Variants in GNG2 observed in about 807,000 individuals in gnomAD.
The protein encoded by GNG2 is guanine nucleotide-binding protein G(I)/G(S)/G(O) subunit gamma-2.
A neutral mutation model predicts 5.5 loss-of-function variants in GNG2; 5 were observed. That is an observed-to-expected ratio of 0.91 (90% CI 0.48 to 1.92). GNG2 has a LOEUF of 1.92. Among genes scored for constraint, GNG2 ranks in the 30% most tolerant of loss-of-function variants. The probability of loss-of-function intolerance (pLI) is 0.01; values close to 1 mark genes in which losing one functional copy is unlikely to be tolerated. For synonymous variants in GNG2, 28 were observed against 32.0 expected (o/e 0.88, Z 0.42); for missense variants, 55 against 88.4 (o/e 0.62, Z 1.52).
chr14:51,886,215 G>C (rs1884451349), intron 2 of GNG2, among the ~76,000 whole-genome samples: 1 of 152,184 alleles, frequency 6.6e-6, no homozygotes, highest in South Asian at 2.1e-4. Context: ...AAAATGTTTT[G>C]CTTTCCTCAC....
intron 1 of GNG2, among the ~76,000 whole-genome samples, chr14:51,873,474 C>G (rs915193925): frequency 6.6e-6 from 1 of 152,198 alleles, no homozygotes; most frequent in African/African-American, 2.4e-5. Context: ...AGGGGTTTCT[C>G]AAGAATGCAC....
At chr14:51,871,550 A>G (rs1883298342) in intron 1 of GNG2, among the ~76,000 whole-genome samples, 1 of 152,214 alleles carries the variant, frequency 6.6e-6, no homozygotes, top group Admixed American at 6.5e-5. Flanking sequence ...ACTTCACAAA[A>G]CTGACAGGAG....
chr14:51,883,014 A>G (rs1039352482), intron 2 of GNG2, among the ~76,000 whole-genome samples: 6 of 151,266 alleles, frequency 4.0e-5, no homozygotes, highest in Non-Finnish European at 8.9e-5. Context: ...CATCTCAAAA[A>G]AAAAAAAAGA....
intron 2 of GNG2, among the ~76,000 whole-genome samples, chr14:51,896,281 A>C (rs147238370): frequency 5.5e-4 from 84 of 152,354 alleles, no homozygotes; most frequent in African/African-American, 2.0e-3. Context: ...GAGAACATCT[A>C]TAATTATCAA....
chr14:51,906,816 C>T (rs898369197), intron 2 of GNG2, among the ~76,000 whole-genome samples: 3 of 127,756 alleles, frequency 2.3e-5, no homozygotes, highest in Admixed American at 9.8e-5. Flanking sequence ...AGTGCAGTGG[C>T]GCAATCTCGG....
intron 3 of GNG2, among the ~76,000 whole-genome samples, chr14:51,951,648 A>G (rs1055125751): frequency 6.6e-6 from 1 of 152,212 alleles, no homozygotes; most frequent in Non-Finnish European, 1.5e-5. Context: ...TATTTTCTCC[A>G]TACCTAATTC....
At chr14:51,895,741 G>T (rs1004886593) in intron 2 of GNG2, among the ~76,000 whole-genome samples, 10 of 152,210 alleles carry the variant, frequency 6.6e-5, no homozygotes, top group African/African-American at 2.4e-4. Context: ...ATCTCATCTT[G>T]TAGCTCCCAT....
At chr14:51,943,553 G>A (rs943860022) in intron 2 of GNG2, among the ~76,000 whole-genome samples, 1 of 152,128 alleles carries the variant, frequency 6.6e-6, no homozygotes, top group Admixed American at 6.5e-5. Flanking sequence ...CTTTCCTCAA[G>A]AAGACTTCTT....
intron 2 of GNG2, among the ~76,000 whole-genome samples, chr14:51,894,486 A>G (rs565257082): frequency 1.3e-5 from 2 of 152,220 alleles, no homozygotes; most frequent in African/African-American, 4.8e-5. Flanking sequence ...CTTAATTCCA[A>G]CTTTGCTACA....
chr14:51,833,672 AT>A (rs1193458996), intron 2 of GNG2, among the ~76,000 whole-genome samples: 1 of 152,208 alleles, frequency 6.6e-6, no homozygotes, highest in African/African-American at 2.4e-5. Flanking sequence ...AACAGATATA[AT>A]AGAAGGATGT....
rs34240079 is a variant in GNG2, at chr14:51,906,757, C to CTTTTTT, written c.-30+29111_-30+29116dup. ...TTGCATGCAGCCTGCTGGAGAATCT[C>CTTTTTT]TTTTTTTTTTTTTTTTGAGACGGAG... On this transcript the variant is annotated intron_variant, in intron 2 of 3. Coordinates refer to ENST00000556766, the MANE Select transcript of GNG2 (RefSeq NM_053064.5). 2.1e-4 allele frequency among the ~76,000 whole-genome samples: 22 copies of CTTTTTT among 105,300 alleles called. 2 individuals carry two copies. Among genetic ancestry groups the CTTTTTT allele is most frequent in the East Asian group, 1.4e-3 (4 of 2,932 alleles). 69.1% of individuals were successfully genotyped at this position (105,300 alleles called of 152,430 possible). A position where few individuals can be genotyped will look rare whatever the true frequency, so the allele number is the denominator to read the frequency against.
At chr14:51,961,799 CA>C (rs1209086395) in intron 3 of GNG2, among the ~76,000 whole-genome samples, 2 of 152,036 alleles carry the variant, frequency 1.3e-5, no homozygotes, top group Non-Finnish European at 2.9e-5. Context: ...TTGGAGCTTT[CA>C]AAAAGTAAAG....
At chr14:51,881,725 A>G (rs1166539395) in intron 2 of GNG2, among the ~76,000 whole-genome samples, 1 of 56,634 alleles carries the variant, frequency 1.8e-5, no homozygotes, top group Non-Finnish European at 3.8e-5. Context: ...TTTTTTTTTT[A>G]ACGTATTTAA....
At chr14:51,836,504 T>C (rs1478065710) in intron 2 of GNG2, among the ~76,000 whole-genome samples, 3 of 152,162 alleles carry the variant, frequency 2.0e-5, no homozygotes, top group Non-Finnish European at 4.4e-5. Context: ...AAAATGCTTT[T>C]AAAAATATAA....
At chr14:51,938,793 C>T (rs1355862598) in intron 2 of GNG2, among the ~76,000 whole-genome samples, 6 of 152,192 alleles carry the variant, frequency 3.9e-5, no homozygotes, top group Non-Finnish European at 8.8e-5. Context: ...ATTTTGGAAG[C>T]CTAAGAGACC....
chr14:51,873,139 T>C (rs1883420332), intron 1 of GNG2, among the ~76,000 whole-genome samples: 1 of 152,224 alleles, frequency 6.6e-6, no homozygotes, highest in African/African-American at 2.4e-5. Context: ...TTTTTCTTCA[T>C]CCTTAAGGAG....
intron 2 of GNG2, among the ~76,000 whole-genome samples, chr14:51,891,306 T>C (rs868019693): frequency 2.0e-5 from 3 of 152,232 alleles, no homozygotes; most frequent in Admixed American, 1.3e-4. Context: ...TCCTTCCCAT[T>C]TGGGGGTTGC....
At chr14:51,930,212 C>T (rs2140242917) in intron 2 of GNG2, among the ~76,000 whole-genome samples, 1 of 152,314 alleles carries the variant, frequency 6.6e-6, no homozygotes, top group South Asian at 2.1e-4. Flanking sequence ...GCTAATTTCT[C>T]TTAGTAGCAT....
chr14:51,836,512 TAA>T (rs998314708), intron 2 of GNG2, among the ~76,000 whole-genome samples: 53 of 152,194 alleles, frequency 3.5e-4, no homozygotes, highest in African/African-American at 1.1e-3. Context: ...TTTAAAAATA[TAA>T]AAAGTCACAT....
Sources: gnomAD v4.1 joint callset for allele counts (sites outside exome capture counted in the v4.1 genomes callset) on GRCh38, gnomAD v4.1.1 for gene constraint, MANE v1.5 for transcripts, NCBI Gene and HGNC (gene_info 2026-07-23, HGNC 2026-07-21) for gene names.